Variants in NAALADL2 observed in about 807,000 individuals in gnomAD.
NAALADL2 encodes the protein N-acetylated alpha-linked acidic dipeptidase like 2.
Under a neutral mutation model 87.2 loss-of-function variants are expected in NAALADL2, and 76 were observed. The observed-to-expected ratio is 0.87, with a 90% CI of 0.72 to 1.05. The LOEUF (loss-of-function observed/expected upper bound fraction) is 1.05. NAALADL2 is among the 50% of genes least tolerant of loss of function. The probability of loss-of-function intolerance (pLI) is 0.00; values close to 1 mark genes in which losing one functional copy is unlikely to be tolerated. For synonymous variants in NAALADL2, 354 were observed against 331.0 expected (o/e 1.07, Z -0.75); for missense variants, 1,089 against 945.8 (o/e 1.15, Z -1.99).
At chr3:175,425,839 A>C (rs1716686232) in intron 5 of NAALADL2, among the ~76,000 whole-genome samples, 1 of 152,204 alleles carries the variant, frequency 6.6e-6, no homozygotes, top group African/African-American at 2.4e-5. Flanking sequence ...ATTTGTTAGA[A>C]TATAAATATA....
chr3:175,491,618 A>C (rs7619984), intron 9 of NAALADL2, among the ~76,000 whole-genome samples: 15,594 of 152,194 alleles, frequency 0.1, 1,004 homozygotes, highest in African/African-American at 0.17. Context: ...TATTTTCCAC[A>C]TTGTTATACT....
At position 174,787,596 on chromosome 3, in the gene NAALADL2, T is replaced by TGTATAC. The variant is rs1560225606; in HGVS notation, c.-9+49850_-9+49851insGTATAC. Among the ~76,000 whole-genome samples the TGTATAC allele has an allele frequency of 2.4e-3, 156 of 65,814 alleles. 4 individuals carry two copies. Among genetic ancestry groups the TGTATAC allele is most frequent in the African/African-American group, 7.6e-3 (143 of 18,790 alleles). The allele number at this position is 65,814 out of a possible 152,430, so 43.2% of individuals were successfully genotyped here. ...ATCATCATATATATATATATATATA[T>TGTATAC]ATATATATATATATATATATATATA... On this transcript the variant is annotated intron_variant, in intron 3 of 3. Coordinates refer to the NAALADL2 transcript ENST00000434257.
intron 6 of NAALADL2, among the ~76,000 whole-genome samples, chr3:175,460,894 A>G (rs1039298598): frequency 2.6e-5 from 4 of 152,212 alleles, no homozygotes; most frequent in African/African-American, 7.2e-5. Flanking sequence ...AAGCTTCCAC[A>G]GTGTGGAAAG....
intron 10 of NAALADL2, among the ~76,000 whole-genome samples, chr3:175,591,766 T>TGG (rs2149605300): frequency 1.9e-5 from 1 of 53,384 alleles, no homozygotes; most frequent in East Asian, 5.4e-4. Context: ...TATGCGCATG[T>TGG]GGTGTGTGTG....
chr3:175,496,902 T>A (rs1728896180), intron 9 of NAALADL2, among the ~76,000 whole-genome samples: 1 of 152,062 alleles, frequency 6.6e-6, no homozygotes, highest in South Asian at 2.1e-4. Flanking sequence ...TCAGATGCAG[T>A]GCCAAACACT....
intron 4 of NAALADL2, among the ~76,000 whole-genome samples, chr3:175,305,814 A>G (rs1757651688): frequency 6.6e-6 from 1 of 152,068 alleles, no homozygotes; most frequent in Non-Finnish European, 1.5e-5. Context: ...GAGCCACCGC[A>G]CCTGGCGTAT....
At chr3:175,734,671 T>A (rs758883979) in intron 11 of NAALADL2, among the ~76,000 whole-genome samples, 2 of 152,180 alleles carry the variant, frequency 1.3e-5, no homozygotes, top group Non-Finnish European at 2.9e-5. Flanking sequence ...GCTTCCACCC[T>A]CTGAAGCAGC....
intron 1 of NAALADL2, among the ~76,000 whole-genome samples, chr3:174,983,970 A>C (rs1745474546): frequency 6.6e-6 from 1 of 152,190 alleles, no homozygotes; most frequent in African/African-American, 2.4e-5. Flanking sequence ...CACAGTCTCA[A>C]TAGCTTTCCT....
At chr3:174,966,953 A>G (rs962565128) in intron 1 of NAALADL2, among the ~76,000 whole-genome samples, 1 of 152,170 alleles carries the variant, frequency 6.6e-6, no homozygotes, top group Middle Eastern at 3.2e-3. Context: ...TAAAATAATA[A>G]GTGTTATCAC....
At chr3:175,614,598 T>TATC (rs1247554509) in intron 10 of NAALADL2, among the ~76,000 whole-genome samples, 1 of 152,216 alleles carries the variant, frequency 6.6e-6, no homozygotes, top group Non-Finnish European at 1.5e-5. Flanking sequence ...GTAGCTATTA[T>TATC]ATCTATAGAA....
At chr3:175,454,178 T>C (rs1201681608) in intron 6 of NAALADL2, among the ~76,000 whole-genome samples, 1 of 152,098 alleles carries the variant, frequency 6.6e-6, no homozygotes, top group East Asian at 1.9e-4. Context: ...TTAATGTGAT[T>C]AATATGTACT....
At chr3:174,828,859 T>G (rs1169210840) in intron 3 of NAALADL2, among the ~76,000 whole-genome samples, 1 of 152,174 alleles carries the variant, frequency 6.6e-6, no homozygotes, top group Non-Finnish European at 1.5e-5. Flanking sequence ...TGGGATGAGC[T>G]ATATGATGTA....
chr3:174,996,857 AGCTTCCAC>A (rs1747530189), intron 1 of NAALADL2, among the ~76,000 whole-genome samples: 1 of 152,062 alleles, frequency 6.6e-6, no homozygotes, highest in Non-Finnish European at 1.5e-5. Flanking sequence ...CTCATAACTT[AGCTTCCAC>A]TGATAAATGA....
chr3:174,691,474 C>T (rs1728577256), intron 2 of NAALADL2, among the ~76,000 whole-genome samples: 1 of 151,616 alleles, frequency 6.6e-6, no homozygotes, highest in Non-Finnish European at 1.5e-5. Context: ...TGCTAACAAT[C>T]ATCTGAGCCT....
chr3:174,907,312 A>T (rs1318896734), intron 1 of NAALADL2, among the ~76,000 whole-genome samples: 1 of 152,108 alleles, frequency 6.6e-6, no homozygotes, highest in Non-Finnish European at 1.5e-5. Flanking sequence ...CCCAAGATGG[A>T]GCTGTTGCTT....
intron 1 of NAALADL2, among the ~76,000 whole-genome samples, chr3:175,001,611 C>T (rs997280270): frequency 2.6e-5 from 4 of 152,000 alleles, no homozygotes; most frequent in Non-Finnish European, 2.9e-5. Flanking sequence ...TCTGTTCATT[C>T]CTTGTTTTTC....
At chr3:174,824,388 T>C (rs1431778379) in intron 3 of NAALADL2, among the ~76,000 whole-genome samples, 1 of 152,340 alleles carries the variant, frequency 6.6e-6, no homozygotes, top group South Asian at 2.1e-4. Flanking sequence ...ATATTTCTGA[T>C]GAATATTCTG....
At chr3:175,629,121 T>TTA (rs1287585510) in intron 11 of NAALADL2, among the ~76,000 whole-genome samples, 4 of 148,402 alleles carry the variant, frequency 2.7e-5, no homozygotes, top group East Asian at 2.0e-4. Flanking sequence ...TACTTGGAGA[T>TTA]TATATATATA....
At chr3:175,276,905 A>G (rs1560278613) in intron 4 of NAALADL2, among the ~76,000 whole-genome samples, 1 of 152,084 alleles carries the variant, frequency 6.6e-6, no homozygotes, top group Non-Finnish European at 1.5e-5. Context: ...TCTCAATTCC[A>G]GAGGCACAAA....
Sources: gnomAD v4.1 joint callset for allele counts (sites outside exome capture counted in the v4.1 genomes callset) on GRCh38, gnomAD v4.1.1 for gene constraint, MANE v1.5 for transcripts, NCBI Gene and HGNC (gene_info 2026-07-23, HGNC 2026-07-21) for gene names.